The following DOK6 variants were observed in gnomAD, a reference collection of about 807,000 sequenced individuals.
DOK6 encodes docking protein 6, also known as downstream of tyrosine kinase 6.
In DOK6, 22 loss-of-function variants were observed where a neutral mutation model predicts 44.0. That is an observed-to-expected ratio of 0.50 (90% CI 0.36 to 0.71). The LOEUF (loss-of-function observed/expected upper bound fraction) is 0.71. Ranked by LOEUF, DOK6 falls within the 30% of genes least tolerant of loss-of-function variation. The pLI is 0.00. For synonymous variants in DOK6, 166 were observed against 145.5 expected, an observed-to-expected ratio of 1.14 and a Z score of -1.01; for missense variants, 340 against 416.4, an observed-to-expected ratio of 0.82 and a Z score of 1.60.
At position 69,737,157 on chromosome 18, in the gene DOK6, G is replaced by C. The variant is rs111311707; in HGVS notation, c.600-1808G>C. Among the ~76,000 whole-genome samples, 279 of 152,282 alleles carry C rather than the reference G, an allele frequency of 1.8e-3. 1 individual carries two copies. The highest frequency in any genetic ancestry group is 6.4e-3 in the African/African-American group (268 of 41,560). On this transcript the variant is annotated intron_variant, in intron 5 of 7. Coordinates refer to ENST00000382713, the MANE Select transcript of DOK6 (RefSeq NM_152721.6). Reference sequence around the variant, plus strand: ...ATAATAAGGGAAACCTAGAGTATTAGTGCATTTTCACACTCCTACAAAGAA... The same window carrying C: ...ATAATAAGGGAAACCTAGAGTATTACTGCATTTTCACACTCCTACAAAGAA...
At chr18:69,648,091 C>T (rs1461032705) in intron 3 of DOK6, among the ~76,000 whole-genome samples, 4 of 152,252 alleles carry the variant, frequency 2.6e-5, no homozygotes, top group African/African-American at 7.2e-5. Context: ...CTCCTTTTCT[C>T]GCTGAAAAAT....
rs1033348296 is a variant in DOK6 at position 69,447,195 on chromosome 18, A to G, written c.66+45885A>G. Among the ~76,000 whole-genome samples the G allele has an allele frequency of 5.3e-5, 8 of 152,138 alleles. No individual in the cohort carries two copies. In the South Asian group the frequency reaches 1.5e-3, roughly 28 times the overall value. On this transcript the variant is annotated intron_variant, in intron 1 of 7. Transcript: ENST00000382713. The stretch of plus-strand genomic sequence containing the variant: ...GGGTTTTTATGGTTTTAGGTCTAAC[A>G]TTTAAGTCTTTAATCCATCTTGAAT...
At chr18:69,698,792 T>A (rs1197579793) in intron 5 of DOK6, among the ~76,000 whole-genome samples, 199 bp downstream of exon 5, 1 of 152,224 alleles carries the variant, frequency 6.6e-6, no homozygotes, top group African/African-American at 2.4e-5. Context: ...GCAGGCTAAT[T>A]ACCCCATTCA....
chr18:69,708,249 G>A (rs979956394), intron 5 of DOK6, among the ~76,000 whole-genome samples: 1 of 152,062 alleles, frequency 6.6e-6, no homozygotes, highest in East Asian at 1.9e-4. Flanking sequence ...AATCCTTTAG[G>A]TTAATAATTT....
At chr18:69,601,443 T>C (rs1409772156) in intron 3 of DOK6, among the ~76,000 whole-genome samples, 5 of 152,220 alleles carry the variant, frequency 3.3e-5, no homozygotes, top group Admixed American at 3.3e-4. Flanking sequence ...ATAGTTGAAA[T>C]TCAGCAGTAC....
chr18:69,803,832 C>G (rs1007966388), intron 7 of DOK6, among the ~76,000 whole-genome samples: 1 of 152,132 alleles, frequency 6.6e-6, no homozygotes, highest in Non-Finnish European at 1.5e-5. Context: ...GCACTCCAGC[C>G]TGGGCACAGA....
chr18:69,584,192 T>G (rs1983444109), intron 2 of DOK6, among the ~76,000 whole-genome samples: 1 of 152,144 alleles, frequency 6.6e-6, no homozygotes, highest in Admixed American at 6.5e-5. Flanking sequence ...TCAAACGAAT[T>G]TAGTAAAGTT....
intron 1 of DOK6, 30 bp downstream of exon 1, chr18:69,401,340 C>G (rs1916093835): frequency 6.7e-7 from 1 of 1,483,102 alleles, no homozygotes; most frequent in African/African-American, 1.4e-5. Flanking sequence ...TGCTCCTTCC[C>G]CGGCGCTCGT....
intron 1 of DOK6, among the ~76,000 whole-genome samples, chr18:69,511,716 T>C (rs1359900249): frequency 6.6e-6 from 1 of 152,220 alleles, no homozygotes; most frequent in Non-Finnish European, 1.5e-5. Flanking sequence ...AATTTATAAT[T>C]AGCAATGTGT....
At chr18:69,784,659 T>C (rs536937083) in intron 7 of DOK6, among the ~76,000 whole-genome samples, 87 of 152,254 alleles carry the variant, frequency 5.7e-4, no homozygotes, top group Non-Finnish European at 9.4e-4. Flanking sequence ...TTTAATTTAA[T>C]TCCTAAGATA....
intron 1 of DOK6, among the ~76,000 whole-genome samples, chr18:69,455,832 G>A (rs536066056): frequency 7.8e-4 from 119 of 152,018 alleles, no homozygotes; most frequent in Non-Finnish European, 9.6e-4. Flanking sequence ...CTAAATGATG[G>A]GCAATTTGGA....
chr18:69,578,881 A>T (rs1983298754), intron 2 of DOK6, among the ~76,000 whole-genome samples: 2 of 17,148 alleles, frequency 1.2e-4, no homozygotes, highest in Non-Finnish European at 3.7e-3. Flanking sequence ...CTTCACTATA[A>T]ATATCTAGCA....
intron 7 of DOK6, among the ~76,000 whole-genome samples, chr18:69,830,681 T>C (rs1282053491): frequency 1.3e-5 from 2 of 152,208 alleles, no homozygotes; most frequent in Non-Finnish European, 2.9e-5. Flanking sequence ...TTTTTTGTTA[T>C]TCAGCAACAC....
chr18:69,756,923 A>T (rs1234437278), intron 6 of DOK6, among the ~76,000 whole-genome samples: 3 of 152,244 alleles, frequency 2.0e-5, no homozygotes, highest in Non-Finnish European at 4.4e-5. Flanking sequence ...ACATTTCCTC[A>T]GGTTGGGTCA....
intron 3 of DOK6, among the ~76,000 whole-genome samples, chr18:69,672,483 C>T (rs898772313): frequency 2.6e-5 from 4 of 152,166 alleles, no homozygotes; most frequent in East Asian, 1.9e-4. Flanking sequence ...CTCAGACTCC[C>T]GAGTAGCTGG....
At chr18:69,595,407 C>A (rs1983717906) in intron 2 of DOK6, among the ~76,000 whole-genome samples, 1 of 152,136 alleles carries the variant, frequency 6.6e-6, no homozygotes, top group Admixed American at 6.6e-5. Context: ...AAGGCAAGAA[C>A]AAGATGATTT....
At chr18:69,753,448 A>C (rs1225524175) in intron 6 of DOK6, among the ~76,000 whole-genome samples, 1 of 152,168 alleles carries the variant, frequency 6.6e-6, no homozygotes. Flanking sequence ...TTGTGATGAG[A>C]TGTGTCGGTT....
intron 1 of DOK6, among the ~76,000 whole-genome samples, chr18:69,497,205 A>G (rs1258309517): frequency 6.6e-6 from 1 of 152,240 alleles, no homozygotes; most frequent in Non-Finnish European, 1.5e-5. Flanking sequence ...TAAGATTATT[A>G]TCAAACCTTC....
chr18:69,561,517 G>C (rs982817158), intron 1 of DOK6, among the ~76,000 whole-genome samples: 22 of 151,904 alleles, frequency 1.4e-4, no homozygotes, highest in African/African-American at 5.3e-4. Flanking sequence ...GATAAGTAAG[G>C]GGCCAAATAA....
Sources: allele counts gnomAD v4.1 joint callset (sites outside exome capture counted in the v4.1 genomes callset), GRCh38; gene constraint gnomAD v4.1.1; transcripts MANE v1.5; gene names NCBI Gene and HGNC (gene_info 2026-07-23, HGNC 2026-07-21).